Variants in C12orf42 observed in about 807,000 individuals in gnomAD.
C12orf42 encodes chromosome 12 open reading frame 42, also known as uncharacterized protein C12orf42.
In C12orf42, 25 loss-of-function variants were observed where a neutral mutation model predicts 21.6. The observed-to-expected ratio is 1.16, with a 90% CI of 0.84 to 1.62. C12orf42 has a LOEUF of 1.62. Ranked by LOEUF, C12orf42 falls within the 40% of genes most tolerant of loss-of-function variation. C12orf42 has a pLI of 0.00. For missense variants in C12orf42, 483 were observed against 459.3 expected (o/e 1.05, Z -0.47); for synonymous variants, 174 against 175.0 (o/e 0.99, Z 0.05).
the C12orf42 span, chr12:103,178,246 A>T: frequency 6.6e-6 from 1 of 152,228 alleles, no homozygotes; most frequent in Non-Finnish European, 1.5e-5. Context: ...AGTCCATTAA[A>T]GGGCTCCTTT....
the C12orf42 span, among the ~76,000 whole-genome samples, chr12:103,549,867 C>G: frequency 6.6e-6 from 1 of 152,190 alleles, no homozygotes; most frequent in African/African-American, 2.4e-5. Context: ...CCCTAACAAG[C>G]ACTTTTGCCT....
intron 3 of C12orf42, among the ~76,000 whole-genome samples, chr12:103,373,556 T>C (rs746058556): frequency 6.6e-6 from 1 of 152,132 alleles, no homozygotes; most frequent in Non-Finnish European, 1.5e-5. Context: ...CTTGGCAATA[T>C]GTAAAGGAAG....
the C12orf42 span, among the ~76,000 whole-genome samples, chr12:103,149,294 A>T: frequency 1.3e-5 from 2 of 152,348 alleles, no homozygotes; most frequent in Non-Finnish European, 2.9e-5. Context: ...TCCACAGAAC[A>T]TTGTATGATA....
the C12orf42 span, among the ~76,000 whole-genome samples, chr12:103,539,472 T>C: frequency 6.6e-6 from 1 of 152,210 alleles, no homozygotes; most frequent in Non-Finnish European, 1.5e-5. Context: ...TTCCCACGCC[T>C]CTTCCCATCT....
intron 2 of C12orf42, among the ~76,000 whole-genome samples, chr12:103,466,843 T>C (rs1953176865): frequency 6.6e-6 from 1 of 152,232 alleles, no homozygotes; most frequent in South Asian, 2.1e-4. Context: ...CTATTGGAGT[T>C]GTTCAGTCTT....
At chr12:103,063,649 A>T in the C12orf42 span, among the ~76,000 whole-genome samples, 4 of 152,100 alleles carry the variant, frequency 2.6e-5, no homozygotes, top group African/African-American at 7.2e-5. Context: ...CAGGCAAGAT[A>T]ATGTTGATTT....
the C12orf42 span, among the ~76,000 whole-genome samples, chr12:103,148,624 G>C: frequency 7.7e-6 from 1 of 129,654 alleles, no homozygotes; most frequent in East Asian, 2.7e-4. Flanking sequence ...GTGCTCGTTT[G>C]AGTAAAATGT....
chr12:103,112,554 G>A, the C12orf42 span, among the ~76,000 whole-genome samples: 8 of 152,164 alleles, frequency 5.3e-5, no homozygotes, highest in East Asian at 3.9e-4. Flanking sequence ...CCAGCTACTC[G>A]GGAGGCTGAG....
intron 2 of C12orf42, among the ~76,000 whole-genome samples, chr12:103,425,920 C>A (rs1028829656): frequency 1.3e-5 from 2 of 150,508 alleles, no homozygotes; most frequent in African/African-American, 4.9e-5. Context: ...AATCCACCAA[C>A]TCAAAAAAGG....
the C12orf42 span, among the ~76,000 whole-genome samples, chr12:103,109,199 A>G: frequency 6.6e-6 from 1 of 152,212 alleles, no homozygotes; most frequent in Non-Finnish European, 1.5e-5. Flanking sequence ...AGTTATTATA[A>G]AGCTAGATTA....
the C12orf42 span, among the ~76,000 whole-genome samples, chr12:103,083,049 T>C: frequency 7.2e-4 from 109 of 152,252 alleles, no homozygotes; most frequent in African/African-American, 2.5e-3. Context: ...GGGTAGACTA[T>C]AGGCAAGTGC....
chr12:103,182,245 C>A, the C12orf42 span, among the ~76,000 whole-genome samples: 1 of 152,130 alleles, frequency 6.6e-6, no homozygotes, highest in Admixed American at 6.5e-5. Context: ...ATTTTGTGTT[C>A]TTAAATAAAA....
intron 3 of C12orf42, among the ~76,000 whole-genome samples, chr12:103,384,087 T>C (rs956019130): frequency 2.6e-5 from 4 of 152,242 alleles, no homozygotes; most frequent in Non-Finnish European, 5.9e-5. Context: ...CAAAGTGTTG[T>C]TATTTGTCTT....
chr12:103,140,285 G>A, the C12orf42 span, among the ~76,000 whole-genome samples: 1 of 152,140 alleles, frequency 6.6e-6, no homozygotes, highest in Non-Finnish European at 1.5e-5. Flanking sequence ...CCTTGTGGCA[G>A]GGCAGAGATG....
In C12orf42 at chr12:103,312,393, C is replaced by T. The variant is rs186676970; in HGVS notation, c.260-6048G>A. ...GGCACTGACCATTGGCCAGGCCCTG[C>T]TCTATTGTCCATGCCTTGGCCCACA... On this transcript the variant is annotated intron_variant, in intron 4 of 5. Coordinates refer to ENST00000548883, the MANE Select transcript of C12orf42 (RefSeq NM_198521.5). Among the ~76,000 whole-genome samples, 87 of 152,330 alleles carry T rather than the reference C, an allele frequency of 5.7e-4. 1 individual carries two copies. The highest frequency in any genetic ancestry group is 1.6e-3 in the Admixed American group (24 of 15,304).
At chr12:103,086,559 T>C in the C12orf42 span, among the ~76,000 whole-genome samples, 1 of 149,986 alleles carries the variant, frequency 6.7e-6, no homozygotes, top group Non-Finnish European at 1.5e-5. Flanking sequence ...GGGTAGAAAA[T>C]ATCTTGAAGT....
the C12orf42 span, among the ~76,000 whole-genome samples, chr12:103,083,346 A>G: frequency 2.6e-5 from 4 of 152,176 alleles, no homozygotes; most frequent in Non-Finnish European, 4.4e-5. Context: ...CCTGGGCGAC[A>G]GAGTAAGACT....
intron 4 of C12orf42, among the ~76,000 whole-genome samples, chr12:103,366,039 C>G (rs2044571091): frequency 6.6e-6 from 1 of 152,096 alleles, no homozygotes; most frequent in South Asian, 2.1e-4. Flanking sequence ...AATCTGGAAG[C>G]ATTACATTAC....
chr12:103,166,322 A>C, the C12orf42 span, among the ~76,000 whole-genome samples: 6 of 152,224 alleles, frequency 3.9e-5, no homozygotes, highest in African/African-American at 1.4e-4. Context: ...TGGAGCTCCT[A>C]TTAAATGATA....
Sources: gnomAD v4.1 joint callset for allele counts (sites outside exome capture counted in the v4.1 genomes callset) on GRCh38, gnomAD v4.1.1 for gene constraint, MANE v1.5 for transcripts, NCBI Gene and HGNC (gene_info 2026-07-23, HGNC 2026-07-21) for gene names.